Variants in CNTN5 observed in about 807,000 individuals in gnomAD.
CNTN5 encodes contactin 5, also known as contactin-5.
In CNTN5, 77 loss-of-function variants were observed where a neutral mutation model predicts 129.1. The ratio of observed to expected loss-of-function variants is 0.60; its 90% confidence interval spans 0.50 to 0.72. The LOEUF (loss-of-function observed/expected upper bound fraction) is 0.72. Among genes scored for constraint, CNTN5 ranks in the 30% least tolerant of loss-of-function variants. The probability of loss-of-function intolerance (pLI) is 0.00; values close to 1 mark genes in which losing one functional copy is unlikely to be tolerated. For missense variants in CNTN5, 1,478 were observed against 1,328.8 expected (o/e 1.11, Z -1.75); for synonymous variants, 509 against 465.6 (o/e 1.09, Z -1.20).
At chr11:99,703,194 T>A (rs1954599213) in intron 3 of CNTN5, among the ~76,000 whole-genome samples, 1 of 149,882 alleles carries the variant, frequency 6.7e-6, no homozygotes, top group Non-Finnish European at 1.5e-5. Context: ...GAGTGTTTTT[T>A]ATAAAACCAA....
chr11:100,160,589 G>T (rs940046886), intron 13 of CNTN5, among the ~76,000 whole-genome samples: 2 of 151,842 alleles, frequency 1.3e-5, no homozygotes, highest in African/African-American at 4.8e-5. Context: ...GAAATTCATT[G>T]AACAGAAACT....
chr11:99,641,349 A>G (rs1018163485), intron 3 of CNTN5, among the ~76,000 whole-genome samples: 3 of 152,202 alleles, frequency 2.0e-5, no homozygotes, highest in African/African-American at 7.2e-5. Flanking sequence ...CAATAGGAAA[A>G]GCAACCTGGA....
chr11:99,469,996 A>G (rs1945110275), intron 2 of CNTN5, among the ~76,000 whole-genome samples: 1 of 152,120 alleles, frequency 6.6e-6, no homozygotes, highest in South Asian at 2.1e-4. Flanking sequence ...TAGTAGAAGA[A>G]GAAACTGAGG....
intron 3 of CNTN5, among the ~76,000 whole-genome samples, chr11:99,706,472 T>C (rs1954760606): frequency 6.6e-6 from 1 of 151,508 alleles, no homozygotes; most frequent in South Asian, 2.1e-4. Context: ...TTGGCAGATA[T>C]ATCAGCATTT....
intron 3 of CNTN5, among the ~76,000 whole-genome samples, chr11:99,780,874 GA>G (rs1945287652): frequency 6.6e-6 from 1 of 152,044 alleles, no homozygotes; most frequent in Admixed American, 6.6e-5. Context: ...GGGAGAAAAT[GA>G]GAGAGAATCC....
intron 8 of CNTN5, among the ~76,000 whole-genome samples, chr11:99,975,739 C>G (rs904652044): frequency 6.6e-6 from 1 of 152,120 alleles, no homozygotes; most frequent in Non-Finnish European, 1.5e-5. Context: ...TAGGCCCTAC[C>G]TTCAACATAT....
intron 13 of CNTN5, among the ~76,000 whole-genome samples, chr11:100,155,124 G>T (rs1947195434): frequency 6.6e-6 from 1 of 152,098 alleles, no homozygotes; most frequent in Admixed American, 6.6e-5. Flanking sequence ...GTATTGCTTA[G>T]GTTGTCTTCT....
At chr11:99,084,355 T>C (rs1252805491) in intron 1 of CNTN5, among the ~76,000 whole-genome samples, 1 of 152,224 alleles carries the variant, frequency 6.6e-6, no homozygotes, top group African/African-American at 2.4e-5. Flanking sequence ...GAAATCCTAT[T>C]TGGCCCTAGG....
intron 1 of CNTN5, among the ~76,000 whole-genome samples, chr11:99,295,882 CAAAAAA>C (rs34180493): frequency 2.0e-5 from 1 of 50,994 alleles, no homozygotes; most frequent in African/African-American, 6.9e-5. Flanking sequence ...GACTCCGTCT[CAAAAAA>C]AAAAAAAAAA....
intron 1 of CNTN5, among the ~76,000 whole-genome samples, chr11:99,256,015 G>A (rs867577359): frequency 6.6e-6 from 1 of 151,914 alleles, no homozygotes; most frequent in Non-Finnish European, 1.5e-5. Context: ...TGATCAGTAG[G>A]CTAGAAATAT....
chr11:99,824,405 A>G (rs1469275475), intron 4 of CNTN5, among the ~76,000 whole-genome samples: 2 of 151,948 alleles, frequency 1.3e-5, no homozygotes, highest in South Asian at 2.1e-4. Flanking sequence ...GGTTTTTTCT[A>G]ATGCATATTT....
At chr11:99,313,852 A>G (rs1865221124) in intron 1 of CNTN5, among the ~76,000 whole-genome samples, 2 of 152,028 alleles carry the variant, frequency 1.3e-5, no homozygotes, top group African/African-American at 4.8e-5. Flanking sequence ...CCATCAGTTT[A>G]TATTGCTTCA....
intron 3 of CNTN5, among the ~76,000 whole-genome samples, chr11:99,758,848 T>G (rs1186997328): frequency 6.6e-6 from 1 of 152,032 alleles, no homozygotes; most frequent in Non-Finnish European, 1.5e-5. Flanking sequence ...AGTATAAGAT[T>G]AAAAGGCAGT....
At chr11:99,340,128 G>A (rs969028548) in intron 2 of CNTN5, among the ~76,000 whole-genome samples, 7 of 152,106 alleles carry the variant, frequency 4.6e-5, no homozygotes, top group African/African-American at 1.7e-4. Context: ...CTAGAGGGTG[G>A]GAGTTCCCTA....
chr11:100,019,687 TC>T (rs1388228361), intron 9 of CNTN5, among the ~76,000 whole-genome samples: 1 of 152,018 alleles, frequency 6.6e-6, no homozygotes, highest in Non-Finnish European at 1.5e-5. Flanking sequence ...TGATTTCAAT[TC>T]TTTTGGATAT....
chr11:99,861,857 C>A (rs566587504), intron 6 of CNTN5, among the ~76,000 whole-genome samples: 1 of 152,086 alleles, frequency 6.6e-6, no homozygotes, highest in Non-Finnish European at 1.5e-5. Context: ...TTTCTAGCAT[C>A]AAAAATTTAT....
intron 3 of CNTN5, among the ~76,000 whole-genome samples, chr11:99,606,777 C>A (rs1449962505): frequency 1.4e-5 from 2 of 141,798 alleles, no homozygotes; most frequent in African/African-American, 5.2e-5. Context: ...AGAACAGAGC[C>A]CTCAGAAATA....
At chr11:100,295,114 A>C (rs1951075363) in intron 18 of CNTN5, among the ~76,000 whole-genome samples, 1 of 151,566 alleles carries the variant, frequency 6.6e-6, no homozygotes, top group Admixed American at 6.6e-5. Context: ...TATGCTATTA[A>C]AACACGGTGA....
chr11:100,275,894 T>C (rs891909410), intron 18 of CNTN5, among the ~76,000 whole-genome samples: 1 of 152,192 alleles, frequency 6.6e-6, no homozygotes, highest in Non-Finnish European at 1.5e-5. Flanking sequence ...TATGTGCCTG[T>C]TTTGTCAGGC....
Sources: gnomAD v4.1 joint callset for allele counts (sites outside exome capture counted in the v4.1 genomes callset) on GRCh38, gnomAD v4.1.1 for gene constraint, MANE v1.5 for transcripts, NCBI Gene and HGNC (gene_info 2026-07-23, HGNC 2026-07-21) for gene names.